The following USP14 variants were observed in gnomAD, a reference collection of about 807,000 sequenced individuals.
The protein encoded by USP14 is ubiquitin specific peptidase 14.
A neutral mutation model predicts 76.5 loss-of-function variants in USP14; 38 were observed. The observed-to-expected ratio is 0.50, with a 90% CI of 0.38 to 0.65. USP14 has a LOEUF of 0.65. Ranked by LOEUF, USP14 falls within the 30% of genes least tolerant of loss-of-function variation. The pLI is 0.00. For missense variants in USP14, 467 were observed against 586.5 expected (o/e 0.80, Z 2.10); for synonymous variants, 192 against 191.7 (o/e 1.00, Z -0.01).
Position 192,913 on chromosome 18 carries a change from A to T in USP14, c.463+13A>T. On this transcript the variant is annotated intron_variant, in intron 6 of 15. Transcript: ENST00000261601. ...TATATTACTGCAGGTTTGTATACTA[A>T]ATATACTACTTTTTGATAGGAGTAA... The T allele has an allele frequency of 6.2e-7, 1 of 1,607,444 alleles. No individual in the cohort carries two copies. The highest frequency in any genetic ancestry group is 8.5e-7 in the Non-Finnish European group (1 of 1,176,404).
chr18:168,216 G>A (rs756500857), intron 3 of USP14, among the ~76,000 whole-genome samples: 9 of 152,060 alleles, frequency 5.9e-5, no homozygotes, highest in Non-Finnish European at 7.4e-5. Flanking sequence ...GTGAGCCACC[G>A]CACCCGGCCA....
chr18:162,101 C>T (rs1339724717), intron 1 of USP14, among the ~76,000 whole-genome samples: 2 of 152,070 alleles, frequency 1.3e-5, no homozygotes, highest in African/African-American at 4.8e-5. Flanking sequence ...AATAATATTC[C>T]GTTGTATGTA....
chr18:198,791 T>G (rs1290319783), intron 9 of USP14, among the ~76,000 whole-genome samples: 1 of 152,144 alleles, frequency 6.6e-6, no homozygotes, highest in Admixed American at 6.5e-5. Context: ...AAAGAATTTT[T>G]TAATTTTATA....
At chr18:183,107 T>TTA (rs1204200889) in intron 5 of USP14, among the ~76,000 whole-genome samples, 1 of 152,216 alleles carries the variant, frequency 6.6e-6, no homozygotes, top group Non-Finnish European at 1.5e-5. Flanking sequence ...ACTGTGTCTT[T>TTA]TATATATATC....
At position 214,076 on chromosome 18, in the gene USP14, C is replaced by CTGTT. The variant is rs1555603895; in HGVS notation, c.*2793_*2796dup. ...AAAGTGCTGCAGCTCCTTAGCTTTGCTGTTGTTATAGTGTAGCTGGAGCCA... is the reference window on the plus strand; with the variant it reads ...AAAGTGCTGCAGCTCCTTAGCTTTGCTGTTTGTTGTTATAGTGTAGCTGGAGCCA... On this transcript the variant is annotated 3_prime_UTR_variant, in exon 16 of 16. Coordinates refer to ENST00000261601, the MANE Select transcript of USP14 (RefSeq NM_005151.4). 6.6e-6 allele frequency: 1 copy of CTGTT among 152,448 alleles called. No individual in the cohort carries two copies. Among genetic ancestry groups the CTGTT allele is most frequent in the Non-Finnish European group, 1.5e-5 (1 of 68,340 alleles). The allele number at this position is 152,448 out of a possible 1,614,324, so 9.4% of individuals were successfully genotyped here. A position where few individuals can be genotyped will look rare whatever the true frequency, so the allele number is the denominator to read the frequency against.
chr18:180,077 A>G (rs1274533062), intron 4 of USP14, among the ~76,000 whole-genome samples, 159 bp from the exon 5 acceptor site: 1 of 147,148 alleles, frequency 6.8e-6, no homozygotes, highest in Non-Finnish European at 1.5e-5. Context: ...TTTGGGGGAA[A>G]TAAAACTGTT....
chr18:168,172 C>T (rs1005315475), intron 3 of USP14, among the ~76,000 whole-genome samples: 11 of 151,396 alleles, frequency 7.3e-5, no homozygotes, highest in African/African-American at 2.7e-4. Flanking sequence ...GTGATCCGCC[C>T]ACCTTGGCCT....
At chr18:179,068 C>A in intron 4 of USP14, 31 bp downstream of exon 4, 1 of 1,506,800 alleles carries the variant, frequency 6.6e-7, no homozygotes, top group Non-Finnish European at 9.1e-7. Flanking sequence ...TGTGTTTGAT[C>A]ACTACTTTTT....
intron 1 of USP14, among the ~76,000 whole-genome samples, chr18:159,425 A>G (rs893375829): frequency 6.6e-6 from 1 of 152,208 alleles, no homozygotes; most frequent in African/African-American, 2.4e-5. Context: ...GGTACTGGCC[A>G]GGGATCACTT....
intron 3 of USP14, among the ~76,000 whole-genome samples, chr18:167,515 G>T (rs1376393755): frequency 6.7e-6 from 1 of 148,400 alleles, no homozygotes; most frequent in African/African-American, 2.5e-5. Flanking sequence ...TGCATGAGTG[G>T]TTTTTTTTTT....
Position 204,552 on chromosome 18 carries a change from G to T in USP14, c.1036-12G>T, listed in dbSNP as rs1450821817. ...ATGTGTTTACACATGTTTTTTGTTT[G>T]TTTGTATATAGGATGTTAAATTTCC... On this transcript the variant is annotated splice_polypyrimidine_tract_variant and intron_variant, in intron 12 of 15. Coordinates refer to ENST00000261601, the MANE Select transcript of USP14 (RefSeq NM_005151.4). The T allele has an allele frequency of 9.7e-6, 15 of 1,553,600 alleles. No homozygotes were observed. The highest frequency in any genetic ancestry group is 8.5e-5 in the Admixed American group (4 of 47,328).
At chr18:182,245 A>T (rs1299970092) in intron 5 of USP14, among the ~76,000 whole-genome samples, 1 of 152,262 alleles carries the variant, frequency 6.6e-6, no homozygotes, top group Non-Finnish European at 1.5e-5. Flanking sequence ...AGTGTAACTT[A>T]AAAAATATGT....
intron 5 of USP14, among the ~76,000 whole-genome samples, chr18:188,192 C>T (rs973687130): frequency 6.6e-6 from 1 of 151,566 alleles, no homozygotes; most frequent in African/African-American, 2.4e-5. Context: ...GTCTTCTTCC[C>T]CTCAGGTTTG....
intron 3 of USP14, among the ~76,000 whole-genome samples, chr18:178,066 C>T (rs1909677557): frequency 6.6e-6 from 1 of 152,160 alleles, no homozygotes; most frequent in African/African-American, 2.4e-5. Context: ...GTCGCGCAGG[C>T]TGGAATGCAA....
At chr18:177,963 C>T (rs1454282271) in intron 3 of USP14, among the ~76,000 whole-genome samples, 2 of 152,074 alleles carry the variant, frequency 1.3e-5, no homozygotes, top group East Asian at 1.9e-4. Flanking sequence ...TAAACAATCA[C>T]TACAGTTACA....
chr18:169,607 ATAT>A (rs1909385000), intron 3 of USP14, among the ~76,000 whole-genome samples: 1 of 152,048 alleles, frequency 6.6e-6, no homozygotes, highest in South Asian at 2.1e-4. Context: ...GCCCTCTTAA[ATAT>A]TATGATTGAC....
chr18:172,167 G>T (rs577627984), intron 3 of USP14, among the ~76,000 whole-genome samples: 1 of 152,152 alleles, frequency 6.6e-6, no homozygotes, highest in Non-Finnish European at 1.5e-5. Context: ...AAGCCTAGGA[G>T]TTTGAGGTTA....
At chr18:210,231 A>G in intron 14 of USP14, 155 bp from the exon 15 acceptor site, 1 of 691,684 alleles carries the variant, frequency 1.4e-6, no homozygotes, top group Non-Finnish European at 2.4e-6. Context: ...TTAAAACATC[A>G]ATCATGAAGC....
rs76836289 is a variant in USP14, at chr18:178,948, A to C, written c.211A>C (p.Met71Leu). The change falls in exon 4 of 16, where the codon ATG (methionine) becomes CTG (leucine). Residue 71 changes from methionine to leucine, a missense_variant. Met to Leu is a conservative substitution (Grantham distance 15). Coordinates refer to ENST00000261601, the MANE Select transcript of USP14 (RefSeq NM_005151.4). Reference sequence around the variant, plus strand: ...TTAAAAACAGGGAATGACTCTACTAATGATGGGGTCAGCAGATGCTCTTCC... The same window carrying C: ...TTAAAAACAGGGAATGACTCTACTACTGATGGGGTCAGCAGATGCTCTTCC... The part of the protein sequence containing the change: ...IKIKNGMTLL[M>L]MGSADALPEE... The C allele has an allele frequency of 1.2e-6, 2 of 1,611,578 alleles. No homozygotes were observed. The highest frequency in any genetic ancestry group is 2.7e-5 in the African/African-American group (2 of 74,772).
Sources: gnomAD v4.1 joint callset for allele counts (sites outside exome capture counted in the v4.1 genomes callset) on GRCh38, gnomAD v4.1.1 for gene constraint, MANE v1.5 for transcripts, NCBI Gene and HGNC (gene_info 2026-07-23, HGNC 2026-07-21) for gene names.